LDLRAD4: variants seen among roughly 807,000 people sequenced by gnomAD.
The protein encoded by LDLRAD4 is low-density lipoprotein receptor class A domain-containing protein 4.
In LDLRAD4, 5 loss-of-function variants were observed where a neutral mutation model predicts 17.0. The ratio of observed to expected loss-of-function variants is 0.29; its 90% CI spans 0.15 to 0.62. The LOEUF is 0.62. Among genes scored for constraint, LDLRAD4 ranks in the 20% least tolerant of loss-of-function variants. The probability of loss-of-function intolerance (pLI) is 0.84; values close to 1 mark genes in which losing one functional copy is unlikely to be tolerated. For synonymous variants in LDLRAD4, 168 were observed against 171.8 expected (o/e 0.98, Z 0.17); for missense variants, 340 against 424.7 (o/e 0.80, Z 1.75).
At chr18:13,277,632 T>C (rs923828189), upstream of LDLRAD4, among the ~76,000 whole-genome samples, 2 of 152,250 alleles carry the variant, frequency 1.3e-5, no homozygotes, top group African/African-American at 4.8e-5. Flanking sequence ...AAATCAGACA[T>C]GTATTTCAGC....
At chr18:13,603,782 T>C (rs1468957377) in intron 3 of LDLRAD4, among the ~76,000 whole-genome samples, 1 of 152,222 alleles carries the variant, frequency 6.6e-6, no homozygotes, top group Admixed American at 6.5e-5. Context: ...ACGCCAAGTT[T>C]CACAGGCCTC....
intron 3 of LDLRAD4, among the ~76,000 whole-genome samples, chr18:13,576,690 C>A (rs891889490): frequency 6.6e-6 from 1 of 152,212 alleles, no homozygotes; most frequent in Non-Finnish European, 1.5e-5. Context: ...CTCTGCTGGG[C>A]TCTCTGAGCT....
intron 1 of LDLRAD4, among the ~76,000 whole-genome samples, chr18:13,302,119 C>T (rs552666726): frequency 7.9e-5 from 12 of 152,358 alleles, no homozygotes; most frequent in African/African-American, 2.6e-4. Context: ...ACAACACAGA[C>T]CCTGCAGTCT....
intron 2 of LDLRAD4, among the ~76,000 whole-genome samples, chr18:13,417,488 A>C (rs1025777781): frequency 8.1e-5 from 12 of 148,900 alleles, no homozygotes; most frequent in Admixed American, 7.5e-4. Context: ...GCTGGAGTGC[A>C]GTGGCGCGAT....
At chr18:13,459,711 G>T (rs144537706) in intron 3 of LDLRAD4, among the ~76,000 whole-genome samples, 167 of 152,246 alleles carry the variant, frequency 1.1e-3, no homozygotes, top group African/African-American at 3.8e-3. Flanking sequence ...CACTGAGTTT[G>T]TATAGCTTGT....
intron 3 of LDLRAD4, chr18:13,611,912 G>A (rs371304357): frequency 5.1e-6 from 5 of 985,442 alleles, no homozygotes; most frequent in Non-Finnish European, 6.0e-6. Context: ...TGTGGAGAGG[G>A]AGCACCAGAA....
intron 1 of LDLRAD4, among the ~76,000 whole-genome samples, chr18:13,231,495 G>C (rs1478364070): frequency 6.6e-6 from 1 of 152,160 alleles, no homozygotes; most frequent in Non-Finnish European, 1.5e-5. Flanking sequence ...AAATCAACCA[G>C]CCACGAATGG....
intron 2 of LDLRAD4, among the ~76,000 whole-genome samples, chr18:13,418,826 G>A (rs2089180361): frequency 1.3e-5 from 2 of 152,160 alleles, no homozygotes; most frequent in African/African-American, 2.4e-5. Context: ...AAGCTAAGCC[G>A]CCACACCTGG....
At chr18:13,507,064 C>G (rs1408322556) in intron 3 of LDLRAD4, among the ~76,000 whole-genome samples, 1 of 152,222 alleles carries the variant, frequency 6.6e-6, no homozygotes, top group Non-Finnish European at 1.5e-5. Flanking sequence ...TTTCATGTAT[C>G]TGTGCCACAT....
chr18:13,235,681 T>C (rs1417123525), intron 1 of LDLRAD4, among the ~76,000 whole-genome samples: 1 of 152,242 alleles, frequency 6.6e-6, no homozygotes, highest in Non-Finnish European at 1.5e-5. Context: ...ACTAGCCATG[T>C]TGCATATGCG....
At chr18:13,223,228 G>A (rs2041561447) in intron 1 of LDLRAD4, among the ~76,000 whole-genome samples, 1 of 152,166 alleles carries the variant, frequency 6.6e-6, no homozygotes, top group African/African-American at 2.4e-5. Context: ...AAGGGGGTGG[G>A]TGTGAGTGAT....
At chr18:13,290,269 T>C (rs1473305289) in intron 1 of LDLRAD4, among the ~76,000 whole-genome samples, 1 of 152,246 alleles carries the variant, frequency 6.6e-6, no homozygotes, top group Non-Finnish European at 1.5e-5. Flanking sequence ...GTCCCTGGTT[T>C]TCCATAGAAA....
At chr18:13,344,875 C>G (rs566213249) in intron 1 of LDLRAD4, among the ~76,000 whole-genome samples, 2 of 152,268 alleles carry the variant, frequency 1.3e-5, no homozygotes, top group South Asian at 4.1e-4. Flanking sequence ...TGATTTGGCT[C>G]TCTGTTTGTC....
intron 3 of LDLRAD4, chr18:13,486,909 C>T (rs1384982554): frequency 1.3e-5 from 2 of 152,162 alleles, no homozygotes; most frequent in Admixed American, 6.5e-5. Flanking sequence ...TTCCCATTTC[C>T]ACTCCCGCTG....
intron 1 of LDLRAD4, among the ~76,000 whole-genome samples, chr18:13,243,067 T>C (rs975860708): frequency 1.3e-5 from 2 of 152,268 alleles, no homozygotes; most frequent in African/African-American, 4.8e-5. Context: ...TGGGGCTGTT[T>C]TGTATGCTGG....
chr18:13,627,911 T>C (rs1343978800), intron 4 of LDLRAD4, among the ~76,000 whole-genome samples: 4 of 152,168 alleles, frequency 2.6e-5, no homozygotes, highest in African/African-American at 7.2e-5. Flanking sequence ...GGCTCAGAAC[T>C]CACAGTGAGG....
At chr18:13,640,292 C>CAAAAAAAA (rs55794457) in intron 4 of LDLRAD4, among the ~76,000 whole-genome samples, 6 of 98,422 alleles carry the variant, frequency 6.1e-5, no homozygotes, top group African/African-American at 1.7e-4. Flanking sequence ...GATTCCATCT[C>CAAAAAAAA]AAAAAAAAAA....
intron 3 of LDLRAD4, among the ~76,000 whole-genome samples, chr18:13,553,473 CAG>C (rs1403732676): frequency 6.6e-6 from 1 of 152,160 alleles, no homozygotes; most frequent in African/African-American, 2.4e-5. Context: ...AATTAAATTA[CAG>C]AGTTAGAAAA....
intron 2 of LDLRAD4, among the ~76,000 whole-genome samples, chr18:13,402,752 C>T (rs905906498): frequency 2.6e-5 from 4 of 152,090 alleles, no homozygotes; most frequent in Admixed American, 6.5e-5. Flanking sequence ...TTCCAAATTG[C>T]GAAAACCAAA....
Sources: gnomAD v4.1 joint callset for allele counts (sites outside exome capture counted in the v4.1 genomes callset) on GRCh38, gnomAD v4.1.1 for gene constraint, MANE v1.5 for transcripts, NCBI Gene and HGNC (gene_info 2026-07-23, HGNC 2026-07-21) for gene names.